Variants in DIPK1A observed in about 807,000 individuals in gnomAD.
DIPK1A encodes the protein divergent protein kinase domain 1A, also known as family with sequence similarity 69 member A.
In DIPK1A, 27 loss-of-function variants were observed where a neutral mutation model predicts 40.8. The ratio of observed to expected loss-of-function variants is 0.66; its 90% CI spans 0.49 to 0.91. The LOEUF (loss-of-function observed/expected upper bound fraction) is 0.91, where lower values mean the gene tolerates loss of function less well. Ranked by LOEUF, DIPK1A falls within the 40% of genes least tolerant of loss-of-function variation. The pLI is 0.00. For synonymous variants in DIPK1A, 166 were observed against 171.3 expected (o/e 0.97, Z 0.24); for missense variants, 412 against 505.7 (o/e 0.81, Z 1.78).
At chr1:92,940,173 A>C (rs1294926192) in intron 1 of DIPK1A, among the ~76,000 whole-genome samples, 1 of 152,134 alleles carries the variant, frequency 6.6e-6, no homozygotes, top group Admixed American at 6.6e-5. Context: ...GGTAAACCTG[A>C]TGTAGTCCTT....
intron 1 of DIPK1A, among the ~76,000 whole-genome samples, 185 bp downstream of exon 1, chr1:92,961,191 C>G (rs1402402024): frequency 1.4e-5 from 2 of 138,714 alleles, no homozygotes; most frequent in African/African-American, 5.4e-5. Context: ...CGGTGGGGGG[C>G]GTCGGCAGAG....
chr1:92,861,483 G>T (rs999520703), intron 2 of DIPK1A, among the ~76,000 whole-genome samples: 1 of 151,482 alleles, frequency 6.6e-6, no homozygotes, highest in East Asian at 1.9e-4. Context: ...AGAACAACCA[G>T]GCATGGCCAA....
chr1:92,840,687 G>C, downstream of DIPK1A: 1 of 1,333,866 alleles, frequency 7.5e-7, no homozygotes, highest in Non-Finnish European at 1.1e-6. Flanking sequence ...GTTGGGAATG[G>C]TTCCCACGTG....
intron 1 of DIPK1A, among the ~76,000 whole-genome samples, chr1:92,945,593 C>T (rs1314912969): frequency 1.3e-5 from 2 of 152,172 alleles, no homozygotes; most frequent in Admixed American, 1.3e-4. Context: ...TGTATTTGGT[C>T]TCAAGACATA....
At position 92,872,069 on chromosome 1, in the gene DIPK1A, C is replaced by CTTTTTTTTTT. The variant is rs148010880; in HGVS notation, c.189+4217_189+4226dup. On this transcript the variant is annotated intron_variant, in intron 2 of 4. Transcript: ENST00000370310. ...TTTTCCTGATTCTTTTTCTTTAAAT[C>CTTTTTTTTTT]TTTTTTTTTTTTTTTTTTTTTTTTT... Among the ~76,000 whole-genome samples, 8 of 67,936 alleles carry CTTTTTTTTTT rather than the reference C, an allele frequency of 1.2e-4. 1 individual carries two copies. The highest frequency in any genetic ancestry group is 1.8e-4 in the Non-Finnish European group (7 of 39,108). The allele number at this position is 67,936 out of a possible 152,430, so 44.6% of individuals were successfully genotyped here.
chr1:92,863,551 A>G lies in DIPK1A; in HGVS notation c.190-12596T>C, dbSNP rs200692116. ...AGTTCAAGACTAGGCTGGGCAACAT[A>G]GAAAGACCCCTGTCTCTACCAAAAA... On this transcript the variant is annotated intron_variant, in intron 2 of 4. Transcript: ENST00000370310. Among the ~76,000 whole-genome samples, 8 of 146,226 alleles carry G rather than the reference A, an allele frequency of 5.5e-5. No individual in the cohort carries two copies. In the East Asian group the frequency reaches 1.6e-3, roughly 29 times the overall value.
At chr1:92,877,655 T>C (rs1247514116) in intron 1 of DIPK1A, among the ~76,000 whole-genome samples, 2 of 152,236 alleles carry the variant, frequency 1.3e-5, no homozygotes, top group African/African-American at 4.8e-5. Flanking sequence ...ATTGTAGGTC[T>C]CTGAGCTTTA....
chr1:92,895,092 C>T (rs1001959771), intron 1 of DIPK1A, among the ~76,000 whole-genome samples: 4 of 152,060 alleles, frequency 2.6e-5, no homozygotes, highest in East Asian at 1.9e-4. Flanking sequence ...GGAGCTGGTA[C>T]CATTCCTTCT....
At chr1:92,934,519 T>C (rs1490170551) in intron 1 of DIPK1A, among the ~76,000 whole-genome samples, 1 of 152,170 alleles carries the variant, frequency 6.6e-6, no homozygotes, top group African/African-American at 2.4e-5. Flanking sequence ...AATCTGGATA[T>C]GTATATCAGA....
At chr1:92,913,647 A>G (rs1649931310) in intron 1 of DIPK1A, among the ~76,000 whole-genome samples, 1 of 152,202 alleles carries the variant, frequency 6.6e-6, no homozygotes, top group South Asian at 2.1e-4. Flanking sequence ...GAACTGACAC[A>G]CAGAGGGCAG....
chr1:92,921,941 T>A (rs1650286452), intron 1 of DIPK1A, among the ~76,000 whole-genome samples: 1 of 152,068 alleles, frequency 6.6e-6, no homozygotes, highest in African/African-American at 2.4e-5. Context: ...AGACCTCACA[T>A]TTATTTATTT....
At chr1:92,932,006 C>G (rs1054822976) in intron 1 of DIPK1A, 1 of 525,284 alleles carries the variant, frequency 1.9e-6, no homozygotes, top group African/African-American at 2.0e-5. Context: ...GCAATAAAAT[C>G]TTGGGCCAAA....
intron 1 of DIPK1A, among the ~76,000 whole-genome samples, chr1:92,944,490 A>T (rs568064052): frequency 6.6e-6 from 1 of 152,342 alleles, no homozygotes; most frequent in South Asian, 2.1e-4. Flanking sequence ...TTGATAATCA[A>T]ACTAGCTTCT....
At chr1:92,863,584 A>AG in intron 2 of DIPK1A, among the ~76,000 whole-genome samples, 1 of 151,436 alleles carries the variant, frequency 6.6e-6, no homozygotes, top group Admixed American at 6.6e-5. Context: ...AAAAAAAAAA[A>AG]AAAAACCCAC....
At chr1:92,884,141 A>T (rs1472352845) in intron 1 of DIPK1A, among the ~76,000 whole-genome samples, 2 of 152,178 alleles carry the variant, frequency 1.3e-5, no homozygotes, top group African/African-American at 4.8e-5. Flanking sequence ...TCCATGATAA[A>T]GAACTCCAAA....
chr1:92,934,235 A>G (rs1000114706), intron 1 of DIPK1A: 4 of 152,190 alleles, frequency 2.6e-5, no homozygotes, highest in African/African-American at 9.7e-5. Flanking sequence ...AATTTTCAGC[A>G]TACAACTTTT....
chr1:92,840,787 T>C (rs748316770), downstream of DIPK1A: 9 of 747,016 alleles, frequency 1.2e-5, no homozygotes, highest in Admixed American at 1.5e-4. Flanking sequence ...CAAAAGTAAC[T>C]GTGGTGATGG....
At chr1:92,954,527 A>G (rs1651767866) in intron 1 of DIPK1A, among the ~76,000 whole-genome samples, 1 of 151,816 alleles carries the variant, frequency 6.6e-6, no homozygotes. Context: ...GGCACATGCC[A>G]CCATACCCGG....
chr1:92,897,615 C>A (rs1039613905), intron 1 of DIPK1A, among the ~76,000 whole-genome samples: 2 of 151,872 alleles, frequency 1.3e-5, no homozygotes, highest in African/African-American at 4.8e-5. Flanking sequence ...ATGTAACAAA[C>A]CTGCACGTTG....
Sources: allele counts gnomAD v4.1 joint callset (sites outside exome capture counted in the v4.1 genomes callset), GRCh38; gene constraint gnomAD v4.1.1; transcripts MANE v1.5; gene names NCBI Gene and HGNC (gene_info 2026-07-23, HGNC 2026-07-21).